The following CPQ variants were observed in gnomAD, a reference collection of about 807,000 sequenced individuals.
CPQ encodes carboxypeptidase Q.
CPQ carries 37 observed loss-of-function variants against 45.7 expected under a neutral mutation model. The observed-to-expected ratio is 0.81, with a 90% confidence interval of 0.62 to 1.07. The LOEUF (loss-of-function observed/expected upper bound fraction) is 1.07, where lower values mean the gene tolerates loss of function less well. CPQ is among the 50% of genes least tolerant of loss of function. CPQ has a pLI of 0.00. For synonymous variants in CPQ, 186 were observed against 205.8 expected, an observed-to-expected ratio of 0.90 and a Z score of 0.82; for missense variants, 537 against 572.9, an observed-to-expected ratio of 0.94 and a Z score of 0.64.
chr8:96,821,747 CA>C (rs767817303), intron 2 of CPQ, among the ~76,000 whole-genome samples: 1 of 151,676 alleles, frequency 6.6e-6, no homozygotes, highest in Non-Finnish European at 1.5e-5. Context: ...TTTCTTTTTT[CA>C]TTTTTCAGCT....
chr8:96,647,797 A>G (rs1221256500), intron 1 of CPQ, among the ~76,000 whole-genome samples: 2 of 152,230 alleles, frequency 1.3e-5, no homozygotes, highest in Non-Finnish European at 2.9e-5. Context: ...ACTTTGACCT[A>G]GGTGCCCATG....
chr8:96,890,734 A>T (rs1327820744), intron 4 of CPQ, among the ~76,000 whole-genome samples: 6 of 152,198 alleles, frequency 3.9e-5, no homozygotes, highest in Non-Finnish European at 8.8e-5. Flanking sequence ...TAATAGAATC[A>T]TTGTTGTGCC....
intron 1 of CPQ, among the ~76,000 whole-genome samples, chr8:96,719,607 C>T (rs1372197423): frequency 1.3e-5 from 2 of 152,138 alleles, no homozygotes; most frequent in South Asian, 4.1e-4. Context: ...GCACTGAGAG[C>T]GAGTGAGGGC....
At chr8:97,068,160 C>G (rs542649612) in intron 7 of CPQ, among the ~76,000 whole-genome samples, 2 of 152,180 alleles carry the variant, frequency 1.3e-5, no homozygotes, top group Admixed American at 1.3e-4. Context: ...TAGCTTTTTT[C>G]CTTCACATGT....
intron 1 of CPQ, among the ~76,000 whole-genome samples, chr8:96,720,733 A>C (rs1809751640): frequency 6.6e-6 from 1 of 152,028 alleles, no homozygotes; most frequent in Non-Finnish European, 1.5e-5. Context: ...TTAATACCAC[A>C]GATATAACTC....
chr8:96,663,251 G>A (rs1198565259), intron 1 of CPQ, among the ~76,000 whole-genome samples: 1 of 152,184 alleles, frequency 6.6e-6, no homozygotes, highest in East Asian at 1.9e-4. Flanking sequence ...GCTGTGTGCT[G>A]GCTTGGCACT....
chr8:97,024,375 A>C (rs1209796271), intron 5 of CPQ, among the ~76,000 whole-genome samples: 1 of 152,006 alleles, frequency 6.6e-6, no homozygotes, highest in African/African-American at 2.4e-5. Context: ...GTGGCTCAAA[A>C]GGTAGCAGTT....
At chr8:96,815,020 G>A (rs541416965) in intron 2 of CPQ, among the ~76,000 whole-genome samples, 8 of 152,184 alleles carry the variant, frequency 5.3e-5, no homozygotes, top group African/African-American at 1.7e-4. Context: ...GCCAGCGGAG[G>A]GTGCAGATGG....
At chr8:96,833,171 T>C (rs940987334) in intron 2 of CPQ, among the ~76,000 whole-genome samples, 2 of 152,082 alleles carry the variant, frequency 1.3e-5, no homozygotes, top group Admixed American at 6.6e-5. Context: ...ACAGATTAAT[T>C]TAAACTCTTC....
intron 3 of CPQ, among the ~76,000 whole-genome samples, chr8:96,850,584 TTTTATTTATTTATTTATTTA>T (rs199730159): frequency 7.3e-6 from 1 of 136,602 alleles, no homozygotes; most frequent in Non-Finnish European, 1.5e-5. Context: ...TTTTATTTTA[TTTTATTTATTTATTTATTTA>T]TTTATTTATT....
At chr8:96,744,119 A>G (rs959826532) in intron 1 of CPQ, among the ~76,000 whole-genome samples, 9 of 152,236 alleles carry the variant, frequency 5.9e-5, no homozygotes, top group Admixed American at 3.3e-4. Flanking sequence ...TGTGCTAGCA[A>G]TCAGCAAGAC....
chr8:96,673,384 G>A (rs1019125174), intron 1 of CPQ, among the ~76,000 whole-genome samples: 2 of 152,144 alleles, frequency 1.3e-5, no homozygotes, highest in African/African-American at 4.8e-5. Flanking sequence ...CTGATTAGTC[G>A]CCTTTCATGA....
At chr8:96,926,811 A>G (rs747810168) in intron 4 of CPQ, among the ~76,000 whole-genome samples, 27 of 151,842 alleles carry the variant, frequency 1.8e-4, no homozygotes, top group Non-Finnish European at 3.2e-4. Context: ...ATTTCTCCTA[A>G]TGCTATCCCT....
chr8:96,796,082 A>G (rs562392169), intron 2 of CPQ, among the ~76,000 whole-genome samples: 117 of 152,182 alleles, frequency 7.7e-4, no homozygotes, highest in African/African-American at 2.8e-3. Context: ...TTCTTGATAT[A>G]TTTTGTTAAA....
At chr8:97,098,364 A>C (rs762792495) in intron 7 of CPQ, among the ~76,000 whole-genome samples, 5 of 152,008 alleles carry the variant, frequency 3.3e-5, no homozygotes, top group Admixed American at 6.6e-5. Context: ...TTCTTTCATC[A>C]ACTCCAAAGG....
chr8:96,818,677 G>GC (rs1811260981), intron 2 of CPQ, among the ~76,000 whole-genome samples: 1 of 152,048 alleles, frequency 6.6e-6, no homozygotes, highest in Admixed American at 6.6e-5. Context: ...AAGTAGGGTG[G>GC]CCACAGATAC....
At chr8:96,841,269 A>C (rs183091154) in intron 3 of CPQ, among the ~76,000 whole-genome samples, 477 of 152,286 alleles carry the variant, frequency 3.1e-3, no homozygotes, top group Non-Finnish European at 5.5e-3. Context: ...ACAGTTCAGC[A>C]TTTCCATTTC....
intron 7 of CPQ, among the ~76,000 whole-genome samples, chr8:97,140,171 G>T (rs10092400): frequency 0.088 from 13,398 of 151,930 alleles, 717 homozygotes; most frequent in African/African-American, 0.14. Flanking sequence ...CAAATTCCTA[G>T]ACAAATGTAA....
intron 5 of CPQ, among the ~76,000 whole-genome samples, chr8:96,979,438 C>T (rs1813849214): frequency 6.6e-6 from 1 of 152,176 alleles, no homozygotes; most frequent in South Asian, 2.1e-4. Context: ...GATGAGCCAG[C>T]TTCTACTTCT....
Sources: gnomAD v4.1 joint callset for allele counts (sites outside exome capture counted in the v4.1 genomes callset) on GRCh38, gnomAD v4.1.1 for gene constraint, MANE v1.5 for transcripts, NCBI Gene and HGNC (gene_info 2026-07-23, HGNC 2026-07-21) for gene names.